The following PAK5 variants were observed in gnomAD, a reference collection of about 807,000 sequenced individuals.
The protein encoded by PAK5 is serine/threonine-protein kinase PAK 5.
In PAK5, 16 loss-of-function variants were observed where a neutral mutation model predicts 65.9. The observed-to-expected ratio is 0.24, with a 90% confidence interval of 0.16 to 0.37. PAK5 has a LOEUF of 0.37. Among genes scored for constraint, PAK5 ranks in the 10% least tolerant of loss-of-function variants. PAK5 has a pLI of 1.00. For synonymous variants in PAK5, 371 were observed against 354.9 expected, an observed-to-expected ratio of 1.05 and a Z score of -0.51; for missense variants, 785 against 903.9, an observed-to-expected ratio of 0.87 and a Z score of 1.69.
At chr20:9,645,387 C>G (rs990728664) in intron 2 of PAK5, among the ~76,000 whole-genome samples, 1 of 152,230 alleles carries the variant, frequency 6.6e-6, no homozygotes, top group South Asian at 2.1e-4. Flanking sequence ...GCTAGGTCAC[C>G]TATTCACTGT....
chr20:9,800,444 A>G (rs1232091944), intron 1 of PAK5, among the ~76,000 whole-genome samples: 2 of 152,138 alleles, frequency 1.3e-5, no homozygotes, highest in Non-Finnish European at 2.9e-5. Flanking sequence ...TTTGACATCT[A>G]TTTGAACTTC....
At chr20:9,790,534 C>G (rs6056876) in intron 1 of PAK5, among the ~76,000 whole-genome samples, 4 of 152,056 alleles carry the variant, frequency 2.6e-5, no homozygotes, top group Non-Finnish European at 5.9e-5. Flanking sequence ...GAGACAGGGT[C>G]TAACTCTGTT....
intron 1 of PAK5, among the ~76,000 whole-genome samples, chr20:9,796,306 C>G (rs904642663): frequency 1.6e-4 from 24 of 151,892 alleles, no homozygotes; most frequent in African/African-American, 5.8e-4. Flanking sequence ...GTAGGAAGGT[C>G]CCTCTGAGGA....
At chr20:9,779,631 TAGAG>T (rs1334042216) in intron 1 of PAK5, among the ~76,000 whole-genome samples, 2 of 152,016 alleles carry the variant, frequency 1.3e-5, no homozygotes, top group East Asian at 1.9e-4. Flanking sequence ...GGAAGGGAGA[TAGAG>T]AGCTCAGTAG....
chr20:9,610,188 G>T (rs2046532633), intron 3 of PAK5, among the ~76,000 whole-genome samples: 1 of 151,974 alleles, frequency 6.6e-6, no homozygotes, highest in African/African-American at 2.4e-5. Context: ...GTATATAATT[G>T]GCTAATAAAC....
At chr20:9,732,742 G>T (rs1388135695) in intron 1 of PAK5, among the ~76,000 whole-genome samples, 1 of 152,076 alleles carries the variant, frequency 6.6e-6, no homozygotes, top group East Asian at 1.9e-4. Context: ...CTCCTGTTTT[G>T]CTCTTTCTCT....
intron 1 of PAK5, among the ~76,000 whole-genome samples, chr20:9,719,351 G>A (rs542246130): frequency 6.6e-6 from 1 of 152,256 alleles, no homozygotes; most frequent in African/African-American, 2.4e-5. Context: ...TACAGATTGA[G>A]CACTATTTTA....
At chr20:9,670,958 T>G (rs1299185348) in intron 2 of PAK5, among the ~76,000 whole-genome samples, 1 of 152,208 alleles carries the variant, frequency 6.6e-6, no homozygotes, top group African/African-American at 2.4e-5. Context: ...GTATAAGGTG[T>G]AAGGAAGGGA....
In PAK5 at chr20:9,716,158, T is replaced by TA. The variant is rs35713086; in HGVS notation, c.-161-4724dup. Among the ~76,000 whole-genome samples, 199 of 53,776 alleles carry TA rather than the reference T, an allele frequency of 3.7e-3. 1 individual carries two copies. Among genetic ancestry groups the TA allele is most frequent in the Middle Eastern group, 0.014 (1 of 70 alleles). The allele number at this position is 53,776 out of a possible 152,430, so 35.3% of individuals were successfully genotyped here. On this transcript the variant is annotated intron_variant, in intron 1 of 9. Transcript: ENST00000353224. ...TAGAGTATAATAAAAAAAAAAAAAT[T>TA]AAAAAAAAAAAAAGCATGCTCTATG...
chr20:9,647,650 T>A (rs868810403), intron 2 of PAK5, among the ~76,000 whole-genome samples: 90 of 152,214 alleles, frequency 5.9e-4, no homozygotes, highest in African/African-American at 2.1e-3. Context: ...AATCCACAGC[T>A]GAATTAATCT....
chr20:9,539,424 G>A lies in PAK5; in HGVS notation c.*38C>T. The A allele has an allele frequency of 6.3e-7, 1 of 1,595,700 alleles. No homozygotes were observed. The highest frequency in any genetic ancestry group is 1.7e-5 in the Admixed American group (1 of 59,876). On this transcript the variant is annotated 3_prime_UTR_variant, in exon 10 of 10. Transcript: ENST00000353224. ...TTTTGTTCTCCTGAATTATTCTCAT[G>A]TCCTCATCTAGCTTTGCCACCTACA...
At chr20:9,754,680 G>A (rs926554847) in intron 1 of PAK5, among the ~76,000 whole-genome samples, 2 of 152,188 alleles carry the variant, frequency 1.3e-5, no homozygotes, top group Non-Finnish European at 2.9e-5. Context: ...TCATAGGCAA[G>A]AAGGGGTTTT....
At chr20:9,827,762 C>T (rs963071958) in intron 1 of PAK5, among the ~76,000 whole-genome samples, 11 of 152,020 alleles carry the variant, frequency 7.2e-5, no homozygotes, top group African/African-American at 2.4e-4. Context: ...TTGAGAGATG[C>T]AAAGGGGAGT....
chr20:9,827,698 C>T (rs1387302232), intron 1 of PAK5, among the ~76,000 whole-genome samples: 3 of 152,008 alleles, frequency 2.0e-5, no homozygotes, highest in Admixed American at 2.0e-4. Context: ...AACAGAAGAT[C>T]ATTTTGGAGG....
At chr20:9,717,745 G>C (rs113744250) in intron 1 of PAK5, among the ~76,000 whole-genome samples, 1 of 151,992 alleles carries the variant, frequency 6.6e-6, no homozygotes, top group Non-Finnish European at 1.5e-5. Flanking sequence ...TCAGCCTCCC[G>C]AGTGGCTGGG....
chr20:9,804,656 G>A (rs1233811068), intron 1 of PAK5, among the ~76,000 whole-genome samples: 1 of 152,130 alleles, frequency 6.6e-6, no homozygotes, highest in Non-Finnish European at 1.5e-5. Flanking sequence ...ATCAAATTTG[G>A]CAGTGGTTCC....
rs190863531 is a variant in PAK5 at position 9,737,020 on chromosome 20, A to C, written c.-161-25585T>G. ...CTAAATCTTTACTGAAAGAAAAAAA[A>C]CCCATCAATCTAGAGTTCTATGTCC... On this transcript the variant is annotated intron_variant, in intron 1 of 9. Coordinates refer to ENST00000353224, the MANE Select transcript of PAK5 (RefSeq NM_177990.4). Among the ~76,000 whole-genome samples, 910 of 152,222 alleles carry C rather than the reference A, an allele frequency of 6.0e-3. 6 individuals carry two copies. Among genetic ancestry groups the C allele is most frequent in the African/African-American group, 0.021 (866 of 41,538 alleles).
chr20:9,675,253 G>A (rs188107552), intron 2 of PAK5, among the ~76,000 whole-genome samples: 4 of 152,178 alleles, frequency 2.6e-5, no homozygotes, highest in African/African-American at 9.6e-5. Context: ...AAATAAAAGA[G>A]GAGAAGAGTT....
At chr20:9,729,960 T>A (rs190395338) in intron 1 of PAK5, among the ~76,000 whole-genome samples, 1 of 133,414 alleles carries the variant, frequency 7.5e-6, no homozygotes, top group African/African-American at 2.9e-5. Flanking sequence ...TGCAGTGAGC[T>A]GTGACCATGC....
Sources: allele counts gnomAD v4.1 joint callset (sites outside exome capture counted in the v4.1 genomes callset), GRCh38; gene constraint gnomAD v4.1.1; transcripts MANE v1.5; gene names NCBI Gene and HGNC (gene_info 2026-07-23, HGNC 2026-07-21).